CHRM3: variants seen among roughly 807,000 people sequenced by gnomAD.
CHRM3 encodes the protein muscarinic acetylcholine receptor M3.
Under a neutral mutation model 41.8 loss-of-function variants are expected in CHRM3, and 11 were observed. That is an observed-to-expected ratio of 0.26 (90% CI 0.17 to 0.44). CHRM3 has a LOEUF of 0.44. CHRM3 is among the 20% of genes least tolerant of loss of function. The probability of loss-of-function intolerance (pLI) is 1.00; values close to 1 mark genes in which losing one functional copy is unlikely to be tolerated. For missense variants in CHRM3, 571 were observed against 745.4 expected (o/e 0.77, Z 2.72); for synonymous variants, 297 against 301.4 (o/e 0.99, Z 0.15).
At chr1:239,490,522 A>G (rs947871914) in intron 1 of CHRM3, among the ~76,000 whole-genome samples, 3 of 152,194 alleles carry the variant, frequency 2.0e-5, no homozygotes, top group South Asian at 2.1e-4. Context: ...TGATTAGTAA[A>G]TATCTCTTGA....
intron 5 of CHRM3, among the ~76,000 whole-genome samples, chr1:239,686,259 T>C (rs1296773020): frequency 6.6e-6 from 1 of 152,222 alleles, no homozygotes; most frequent in African/African-American, 2.4e-5. Context: ...TATAAACTTA[T>C]CATAAAACAG....
At position 239,907,590 on chromosome 1, in the gene CHRM3, G is replaced by A; in HGVS notation, c.139G>A (p.Gly47Ser). ...FGSYNVSRAAGNFSSPDGTTD... is the reference protein window; with the variant it reads ...FGSYNVSRAASNFSSPDGTTD... ...CAGCTACAATGTTTCTCGAGCAGCT[G>A]GCAATTTCTCCTCTCCAGACGGTAC... Residue 47 changes from glycine to serine, a missense_variant, in exon 7 of 7, where the codon GGC becomes AGC. Gly to Ser is a moderately conservative substitution (Grantham distance 56, BLOSUM62 0). Transcript: ENST00000676153. The surrounding 1 kb of genome is among the most constrained non-coding windows in gnomAD (Gnocchi z 5.4). 1 of 1,614,138 alleles carries A rather than the reference G, an allele frequency of 6.2e-7. No individual in the cohort carries two copies. The highest frequency in any genetic ancestry group is 8.5e-7 in the Non-Finnish European group (1 of 1,180,026).
intron 6 of CHRM3, among the ~76,000 whole-genome samples, chr1:239,875,618 A>G (rs1286120369): frequency 1.3e-5 from 2 of 152,200 alleles, no homozygotes; most frequent in Admixed American, 1.3e-4. Context: ...ATGGAGACCT[A>G]ACTGAACTGG....
At chr1:239,760,935 T>C (rs2148653001) in intron 5 of CHRM3, among the ~76,000 whole-genome samples, 1 of 152,306 alleles carries the variant, frequency 6.6e-6, no homozygotes, top group Admixed American at 6.5e-5. Flanking sequence ...ATTTTTCAGA[T>C]GTTTGTTTGT....
intron 2 of CHRM3, among the ~76,000 whole-genome samples, chr1:239,517,473 T>C (rs2148240282): frequency 6.6e-6 from 1 of 152,338 alleles, no homozygotes; most frequent in Non-Finnish European, 1.5e-5. Flanking sequence ...TTCCTATGTT[T>C]TTCATTTAGA....
intron 5 of CHRM3, among the ~76,000 whole-genome samples, chr1:239,700,881 A>C (rs925926881): frequency 2.0e-5 from 3 of 151,990 alleles, no homozygotes; most frequent in African/African-American, 7.3e-5. Context: ...TACCACCCTG[A>C]ATGTGCCTGA....
Position 239,884,496 on chromosome 1 carries a change from CCATT to C in CHRM3, c.-19-22934_-19-22931del, listed in dbSNP as rs1677903365. ...GAGAATCCATTTCTATTGTTTTAAA[CCATT>C]CAGATTGTGGTCATTCATTATGGAA... On this transcript the variant is annotated intron_variant, in intron 6 of 6. Coordinates refer to ENST00000676153, the MANE Select transcript of CHRM3 (RefSeq NM_001375978.1). Among the ~76,000 whole-genome samples, 3 of 152,268 alleles carry C rather than the reference CCATT, an allele frequency of 2.0e-5. No individual in the cohort carries two copies. The South Asian group carries it at 6.2e-4, about 32-fold the overall frequency.
intron 2 of CHRM3, among the ~76,000 whole-genome samples, chr1:239,497,840 G>A (rs1028268173): frequency 1.3e-5 from 2 of 152,164 alleles, no homozygotes; most frequent in Admixed American, 1.3e-4. Context: ...TGGCTAGGGG[G>A]CAGGGATCTG....
At chr1:239,770,855 A>G (rs1667603274) in intron 5 of CHRM3, among the ~76,000 whole-genome samples, 1 of 152,120 alleles carries the variant, frequency 6.6e-6, no homozygotes, top group African/African-American at 2.4e-5. Context: ...GGGAGCCTGA[A>G]ACGAGCAGAT....
intron 3 of CHRM3, among the ~76,000 whole-genome samples, chr1:239,605,193 TAC>T (rs1478122064): frequency 6.6e-6 from 1 of 152,192 alleles, no homozygotes; most frequent in East Asian, 1.9e-4. Flanking sequence ...ACATTATAAA[TAC>T]AGTTATGTGC....
chr1:239,560,608 A>G (rs1660765022), intron 3 of CHRM3, among the ~76,000 whole-genome samples: 1 of 152,112 alleles, frequency 6.6e-6, no homozygotes, highest in African/African-American at 2.4e-5. Flanking sequence ...ATGTACCAAA[A>G]TTTATTTATC....
intron 5 of CHRM3, among the ~76,000 whole-genome samples, chr1:239,804,860 G>A (rs1350779139): frequency 6.6e-6 from 1 of 152,146 alleles, no homozygotes; most frequent in Admixed American, 6.5e-5. Context: ...CTGTCCGGCT[G>A]TGTCTTGTGC....
chr1:239,421,923 T>G (rs2103104628), intron 1 of CHRM3, among the ~76,000 whole-genome samples: 2 of 152,324 alleles, frequency 1.3e-5, no homozygotes, highest in African/African-American at 4.8e-5. Flanking sequence ...TGTAATTTAT[T>G]TTACACTGTA....
chr1:239,843,113 A>G (rs563611882), intron 6 of CHRM3, among the ~76,000 whole-genome samples: 5 of 152,180 alleles, frequency 3.3e-5, no homozygotes, highest in Admixed American at 6.5e-5. Flanking sequence ...TTTACTCTTT[A>G]CTATCCAGGT....
intron 5 of CHRM3, among the ~76,000 whole-genome samples, chr1:239,744,170 C>T (rs1665139495): frequency 6.6e-6 from 1 of 151,906 alleles, no homozygotes; most frequent in Non-Finnish European, 1.5e-5. Flanking sequence ...ATTCATTGAA[C>T]CACCGTGTGT....
At chr1:239,585,572 A>G (rs1663321211) in intron 3 of CHRM3, among the ~76,000 whole-genome samples, 1 of 152,176 alleles carries the variant, frequency 6.6e-6, no homozygotes, top group Admixed American at 6.5e-5. Context: ...AGTACCTGAG[A>G]GTGAATGCCC....
At chr1:239,660,636 A>G (rs1199251771) in intron 4 of CHRM3, among the ~76,000 whole-genome samples, 1 of 152,118 alleles carries the variant, frequency 6.6e-6, no homozygotes, top group African/African-American at 2.4e-5. Context: ...TAATCCCTGT[A>G]CTTTGGGAGG....
chr1:239,790,677 A>G (rs1281740199), intron 5 of CHRM3, among the ~76,000 whole-genome samples: 5 of 152,210 alleles, frequency 3.3e-5, no homozygotes, highest in African/African-American at 9.6e-5. Flanking sequence ...TAGCCTGGCA[A>G]TTGTGGAAAC....
intron 6 of CHRM3, among the ~76,000 whole-genome samples, chr1:239,870,234 GT>G (rs1203300098): frequency 7.9e-5 from 12 of 152,192 alleles, no homozygotes; most frequent in African/African-American, 2.2e-4. Flanking sequence ...TCACATCTCT[GT>G]AGGGTCACAC....
Sources: gnomAD v4.1 joint callset for allele counts (sites outside exome capture counted in the v4.1 genomes callset) on GRCh38, gnomAD v4.1.1 for gene constraint, Gnocchi (gnomAD v3.1) non-coding constraint, MANE v1.5 for transcripts, NCBI Gene and HGNC (gene_info 2026-07-23, HGNC 2026-07-21) for gene names.